The following PNLIPRP1 variants were observed in gnomAD, a reference collection of about 807,000 sequenced individuals.
PNLIPRP1 encodes inactive pancreatic lipase-related protein 1.
A neutral mutation model predicts 54.6 loss-of-function variants in PNLIPRP1; 57 were observed. The ratio of observed to expected loss-of-function variants is 1.04; its 90% CI spans 0.84 to 1.30. The LOEUF is 1.30. PNLIPRP1 is among the 50% of genes most tolerant of loss of function. The pLI is 0.00. For missense variants in PNLIPRP1, 567 were observed against 568.5 expected (o/e 1.00, Z 0.03); for synonymous variants, 232 against 208.8 (o/e 1.11, Z -0.96).
intron 9 of PNLIPRP1, 53 bp from the exon 10 acceptor site, chr10:116,601,019 C>A: frequency 6.5e-7 from 1 of 1,531,208 alleles, no homozygotes; most frequent in Non-Finnish European, 8.9e-7. Flanking sequence ...TCAGATGTAT[C>A]GATCATACAA....
Position 116,591,856 on chromosome 10 carries a change from C to T in PNLIPRP1, c.135C>T (p.Leu45=), listed in dbSNP as rs782402474. 1.2e-6 allele frequency: 2 copies of T among 1,614,226 alleles called. No homozygotes were observed. ...CAGCAATCAGGCCCCTGAAAATTCTCCCCTGGAGCCCTGAGAAGATCGGCA... is the reference window on the plus strand; with the variant it reads ...CAGCAATCAGGCCCCTGAAAATTCTTCCCTGGAGCCCTGAGAAGATCGGCA... ...GGTAIRPLKI[L]PWSPEKIGTR... The change falls in exon 3 of 13, where the codon CTC becomes CTT. Residue 45 remains leucine (L), a synonymous_variant. Coordinates refer to ENST00000358834, the MANE Select transcript of PNLIPRP1 (RefSeq NM_006229.4).
Position 116,605,455 on chromosome 10 carries a change from G to C in PNLIPRP1, c.1242G>C (p.Glu414Asp), listed in dbSNP as rs2305204. 120,328 of 1,610,726 alleles carry C rather than the reference G, an allele frequency of 0.075. 7,459 individuals are homozygous for C. Among genetic ancestry groups the C allele is most frequent in the East Asian group, 0.4 (17,903 of 44,738 alleles). Residue 414 changes from glutamate (E) to aspartate (D), a missense_variant, in exon 12 of 13, where the codon GAG becomes GAC. Transcript: ENST00000358834. ...CAAAGCTGGATGTTGGAACAATTGA[G>C]AAAGTCAAGTTTCTTTGGAATAACA... is the stretch of plus-strand genomic sequence containing the variant. The part of the protein sequence containing the change: ...FDAKLDVGTI[E>D]KVKFLWNNNV...
At chr10:116,604,681 C>G (rs367684093) in intron 11 of PNLIPRP1, among the ~76,000 whole-genome samples, 1 of 94,128 alleles carries the variant, frequency 1.1e-5, no homozygotes, top group Admixed American at 1.3e-4. Context: ...CTTTCTCTCT[C>G]TTTTTTTTTT....
intron 10 of PNLIPRP1, among the ~76,000 whole-genome samples, chr10:116,603,067 G>A (rs782093595): frequency 3.3e-5 from 5 of 152,172 alleles, no homozygotes; most frequent in Non-Finnish European, 5.9e-5. Flanking sequence ...GTGTGTGCAC[G>A]CACATGCATA....
At position 116,594,478 on chromosome 10, in the gene PNLIPRP1, A is replaced by G. The variant is rs577096149; in HGVS notation, c.331-252A>G. On this transcript the variant is annotated intron_variant, in intron 4 of 12. Coordinates refer to ENST00000358834, the MANE Select transcript of PNLIPRP1 (RefSeq NM_006229.4). ...TTCCCTTACTAACCAACCTTACTGA[A>G]TTTGGTTGAAGGAAACCAGAGAGTA... 1.4e-5 allele frequency: 8 copies of G among 573,330 alleles called. No individual in the cohort carries two copies. The South Asian group carries it at 1.5e-4, about 10-fold the overall frequency. The allele number at this position is 573,330 out of a possible 1,614,324, so 35.5% of individuals were successfully genotyped here.
At chr10:116,593,119 T>G in intron 4 of PNLIPRP1, 1 of 156,612 alleles carries the variant, frequency 6.4e-6, no homozygotes, top group Non-Finnish European at 1.4e-5. Flanking sequence ...AATGAGCCAA[T>G]ATTGTGCCAC....
intron 5 of PNLIPRP1, chr10:116,595,227 C>T (rs372876593): frequency 3.6e-5 from 9 of 249,006 alleles, no homozygotes; most frequent in African/African-American, 8.9e-5. Flanking sequence ...CTCTGTTTCG[C>T]GTGAAACACA....
chr10:116,592,361 A>T, intron 3 of PNLIPRP1, 55 bp from the exon 4 acceptor site: 1 of 1,534,222 alleles, frequency 6.5e-7, no homozygotes. Flanking sequence ...GAGGAAGGAA[A>T]AAGGCCTGTG....
chr10:116,592,970 C>A (rs914045121), intron 4 of PNLIPRP1: 3 of 315,284 alleles, frequency 9.5e-6, no homozygotes, highest in East Asian at 1.7e-4. Flanking sequence ...GAGTTCGAGA[C>A]CAGCCTGGCG....
chr10:116,592,030 C>A, intron 3 of PNLIPRP1, 105 bp downstream of exon 3: 1 of 1,247,780 alleles, frequency 8.0e-7, no homozygotes, highest in Non-Finnish European at 1.1e-6. Context: ...CACCATGCCC[C>A]ACCCCATCCC....
chr10:116,608,945 A>AT, intron 12 of PNLIPRP1, 108 bp from the exon 13 acceptor site: 1 of 850,230 alleles, frequency 1.2e-6, no homozygotes, highest in Non-Finnish European at 2.0e-6. Context: ...ACCTGGGCTT[A>AT]ACCCCTTAAG....
At chr10:116,597,395 C>A (rs1372150849) in intron 6 of PNLIPRP1, among the ~76,000 whole-genome samples, 1 of 152,116 alleles carries the variant, frequency 6.6e-6, no homozygotes, top group Non-Finnish European at 1.5e-5. Flanking sequence ...CAAGGTCATG[C>A]ATCTTGCCCC....
At position 116,592,465 on chromosome 10, in the gene PNLIPRP1, T is replaced by G; in HGVS notation, c.254T>G (p.Met85Arg). 1 of 1,613,594 alleles carries G rather than the reference T, an allele frequency of 6.2e-7. No homozygotes were observed. Among genetic ancestry groups the G allele is most frequent in the Non-Finnish European group, 8.5e-7 (1 of 1,179,686 alleles). ...PSTIEASNFQMDRKTRFIIHG... is the reference protein window; with the variant it reads ...PSTIEASNFQRDRKTRFIIHG... ...ACAATTGAGGCATCAAATTTTCAAA[T>G]GGACAGAAAGACCCGGTTCATCATC... is the stretch of plus-strand genomic sequence containing the variant. Residue 85 changes from methionine to arginine, a missense_variant, in exon 4 of 13, where the codon ATG (methionine) becomes AGG (arginine). Physicochemically the swap from Met to Arg is moderately conservative, Grantham distance 91. Transcript: ENST00000358834.
Position 116,591,193 on chromosome 10 carries a change from T to G in PNLIPRP1, c.49+15T>G. 1 of 1,607,960 alleles carries G rather than the reference T, an allele frequency of 6.2e-7. No individual in the cohort carries two copies. Among genetic ancestry groups the G allele is most frequent in the Non-Finnish European group, 8.5e-7 (1 of 1,175,110 alleles). On this transcript the variant is annotated intron_variant, in intron 2 of 12. Transcript: ENST00000358834. ...AGCAGCCAAAGGTAAGAAACACCAC[T>G]CCTGCCCCGTAGGAAGGGCTTAAAC...
Position 116,592,542 on chromosome 10 carries a change from G to A in PNLIPRP1, c.330+1G>A, listed in dbSNP as rs782558560. ...GAGCTGGGTGACAGACATGTGCAAG[G>A]TAGGAGCCAGCTCTGATCCCTGTGG... is the stretch of plus-strand genomic sequence containing the variant. On this transcript the variant is annotated splice_donor_variant, in intron 4 of 12. Coordinates refer to ENST00000358834, the MANE Select transcript of PNLIPRP1 (RefSeq NM_006229.4). LOFTEE classifies it high-confidence loss of function. The A allele has an allele frequency of 1.9e-6, 3 of 1,614,128 alleles. No individual in the cohort carries two copies. The highest frequency in any genetic ancestry group is 1.6e-4 in the Middle Eastern group (1 of 6,062).
At chr10:116,592,332 CA>C in intron 3 of PNLIPRP1, 83 bp from the exon 4 acceptor site, 1 of 1,445,570 alleles carries the variant, frequency 6.9e-7, no homozygotes, top group South Asian at 1.4e-5. Context: ...AAAGTAGAGG[CA>C]TTGGCGCAGG....
At chr10:116,594,584 A>T in intron 4 of PNLIPRP1, 146 bp from the exon 5 acceptor site, 1 of 844,612 alleles carries the variant, frequency 1.2e-6, no homozygotes, top group Non-Finnish European at 1.9e-6. Context: ...GATAACTCCT[A>T]ATTACCAACA....
In PNLIPRP1 at chr10:116,596,348, G is replaced by A. The variant is rs1475753840; in HGVS notation, c.574+26G>A. ...GTAAGGCCCCAGAGGCAGGGCCCCAGTTTTGTCCCCAGAAACCCCAGAATG... is the reference window on the plus strand; with the variant it reads ...GTAAGGCCCCAGAGGCAGGGCCCCAATTTTGTCCCCAGAAACCCCAGAATG... On this transcript the variant is annotated intron_variant, in intron 6 of 12. Transcript: ENST00000358834. 5 of 1,435,496 alleles carry A rather than the reference G, an allele frequency of 3.5e-6. No individual in the cohort carries two copies. In the African/African-American group the frequency reaches 7.1e-5, roughly 20 times the overall value. The allele number at this position is 1,435,496 out of a possible 1,614,324, so 88.9% of individuals were successfully genotyped here.
At chr10:116,605,653 C>A in intron 12 of PNLIPRP1, 100 bp downstream of exon 12, 1 of 864,060 alleles carries the variant, frequency 1.2e-6, no homozygotes, top group Middle Eastern at 2.4e-4. Flanking sequence ...GCAAGAAAAG[C>A]CAAGAAAATT....
Sources: allele counts gnomAD v4.1 joint callset (sites outside exome capture counted in the v4.1 genomes callset), GRCh38; gene constraint gnomAD v4.1.1; transcripts MANE v1.5; gene names NCBI Gene and HGNC (gene_info 2026-07-23, HGNC 2026-07-21).